Variants in ALS2 observed in about 807,000 individuals in gnomAD.
The protein encoded by ALS2 is alsin Rho guanine nucleotide exchange factor ALS2.
ALS2 carries 117 observed loss-of-function variants against 203.4 expected under a neutral mutation model. The observed-to-expected ratio is 0.58, with a 90% CI of 0.50 to 0.67. The LOEUF (loss-of-function observed/expected upper bound fraction) is 0.67. Ranked by LOEUF, ALS2 falls within the 30% of genes least tolerant of loss-of-function variation. The pLI, the probability that ALS2 is intolerant of heterozygous loss-of-function variation, is 0.00. For missense variants in ALS2, 1,715 were observed against 1,989.4 expected, an observed-to-expected ratio of 0.86 and a Z score of 2.62; for synonymous variants, 718 against 725.9, an observed-to-expected ratio of 0.99 and a Z score of 0.17.
chr2:201,746,122 T>C (rs1692625253), intron 9 of ALS2, among the ~76,000 whole-genome samples: 1 of 152,176 alleles, frequency 6.6e-6, no homozygotes, highest in Non-Finnish European at 1.5e-5. Flanking sequence ...CTATTTCTAA[T>C]TCACCTCGAG....
intron 23 of ALS2, chr2:201,720,041 G>A: frequency 2.8e-6 from 1 of 363,216 alleles, no homozygotes; most frequent in Non-Finnish European, 5.2e-6. Flanking sequence ...AACATTCAAA[G>A]AAGAAATAAT....
At position 201,728,474 on chromosome 2, in the gene ALS2, C is replaced by G. The variant is rs751566265; in HGVS notation, c.2841+38G>C. 1.1e-5 allele frequency: 18 copies of G among 1,613,204 alleles called. No homozygotes were observed. The Admixed American group carries it at 3.0e-4, about 27-fold the overall frequency. On this transcript the variant is annotated intron_variant, in intron 15 of 33. Coordinates refer to ENST00000264276, the MANE Select transcript of ALS2 (RefSeq NM_020919.4). Reference sequence around the variant, plus strand: ...ACAGTTAATAAGGATAGGGGTCCACCTTTCAGGAATTCTTTTAAGGTTAGG... The same window carrying G: ...ACAGTTAATAAGGATAGGGGTCCACGTTTCAGGAATTCTTTTAAGGTTAGG...
At chr2:201,729,903 A>C (rs1691446790) in intron 13 of ALS2, among the ~76,000 whole-genome samples, 1 of 129,090 alleles carries the variant, frequency 7.7e-6, no homozygotes. Flanking sequence ...AAAAAAAAAA[A>C]CAACTTTTTT....
chr2:201,715,684 T>G lies in ALS2; in HGVS notation c.3992A>C (p.Gln1331Pro), dbSNP rs760241507. 4.3e-6 allele frequency: 7 copies of G among 1,614,232 alleles called. No individual in the cohort carries two copies. The highest frequency in any genetic ancestry group is 1.6e-4 in the Middle Eastern group (1 of 6,062). ...IAVALTTSRR[Q>P]HRDSPEILSR... is the part of the protein sequence containing the mutation. Reference sequence around the variant, plus strand: ...GGTGTTCACTCACCTGTCTCTGTGCTGGCGCCGACTGGTGGTCAAGGCCAC... The same window carrying G: ...GGTGTTCACTCACCTGTCTCTGTGCGGGCGCCGACTGGTGGTCAAGGCCAC... Residue 1331 changes from glutamine (Q) to proline (P), a missense_variant, in exon 25 of 34, where the codon CAG (glutamine) becomes CCG (proline). By Grantham distance (76) the Gln-to-Pro change is moderately conservative (BLOSUM62 -1). This residue lies in a region of ALS2 where 1,227 missense variants were observed against 1,413.5 expected (regional missense o/e 0.87). Coordinates refer to ENST00000264276, the MANE Select transcript of ALS2 (RefSeq NM_020919.4).
Position 201,715,759 on chromosome 2 carries a change from C to G in ALS2, c.3917G>C (p.Cys1306Ser). The part of the protein sequence containing the change: ...VFDECWRQLG[C>S]EGPGQGEVWK... ...AACTTCCCCTTGGCCTGGGCCCTCA[C>G]AGCCCAGTTGGCGCCAACATTCGTC... Residue 1306 changes from cysteine to serine, a missense_variant, in exon 25 of 34, where the codon TGT (cysteine) becomes TCT (serine). Physicochemically the swap from Cys to Ser is moderately radical, Grantham distance 112. Transcript: ENST00000264276. 6.2e-7 allele frequency: 1 copy of G among 1,614,228 alleles called. No homozygotes were observed. Among genetic ancestry groups the G allele is most frequent in the Non-Finnish European group, 8.5e-7 (1 of 1,180,032 alleles).
chr2:201,772,894 C>T (rs1694473721), intron 1 of ALS2, among the ~76,000 whole-genome samples: 1 of 127,886 alleles, frequency 7.8e-6, no homozygotes, highest in Non-Finnish European at 1.6e-5. Context: ...TGGAGTCTTG[C>T]ACTGTCGCCT....
At chr2:201,719,338 A>G (rs1341299277) in intron 23 of ALS2, among the ~76,000 whole-genome samples, 1 of 152,116 alleles carries the variant, frequency 6.6e-6, no homozygotes, top group Admixed American at 6.5e-5. Context: ...CGCCTGTAGT[A>G]CCAGCCCTTT....
Position 201,761,628 on chromosome 2 carries a change from C to G in ALS2, c.366G>C (p.Gln122His). Residue 122 changes from glutamine (Q) to histidine (H), a missense_variant, in exon 4 of 34, where the codon CAG becomes CAC. By Grantham distance (24) the Gln-to-His change is conservative. Around this residue, in one of 3 missense-constraint regions of ALS2, gnomAD observed 476 missense variants for 539.3 expected, o/e 0.88. Coordinates refer to ENST00000264276, the MANE Select transcript of ALS2 (RefSeq NM_020919.4). Reference sequence around the variant, plus strand: ...CATACTGCTGGTTGGCTACTGCACACTGGCCAGCAGAATTCTCTCCCCACA... The same window carrying G: ...CATACTGCTGGTTGGCTACTGCACAGTGGCCAGCAGAATTCTCTCCCCACA... Reference protein sequence around the residue: ...AYMWGENSAGQCAVANQQYVP... With the variant: ...AYMWGENSAGHCAVANQQYVP... 6.2e-7 allele frequency: 1 copy of G among 1,614,222 alleles called. No homozygotes were observed. The highest frequency in any genetic ancestry group is 8.5e-7 in the Non-Finnish European group (1 of 1,180,042).
chr2:201,727,407 G>T, intron 16 of ALS2, 129 bp from the exon 17 acceptor site: 2 of 868,970 alleles, frequency 2.3e-6, no homozygotes, highest in Non-Finnish European at 1.9e-6. Flanking sequence ...ATGCTTGCTT[G>T]GTTTTGGGCG....
chr2:201,740,066 T>C (rs1465332505), intron 11 of ALS2, among the ~76,000 whole-genome samples: 1 of 152,168 alleles, frequency 6.6e-6, no homozygotes, highest in East Asian at 1.9e-4. Flanking sequence ...GGCTCACACT[T>C]GCAATCCTAG....
chr2:201,731,506 GA>G (rs1208512441), intron 13 of ALS2, among the ~76,000 whole-genome samples: 1 of 151,998 alleles, frequency 6.6e-6, no homozygotes, highest in Non-Finnish European at 1.5e-5. Context: ...TTGATGTGGG[GA>G]TTAAAGTTAT....
intron 12 of ALS2, among the ~76,000 whole-genome samples, chr2:201,734,609 C>T (rs1691769206): frequency 6.6e-6 from 1 of 152,206 alleles, no homozygotes. Context: ...TCTGCTTTGA[C>T]CTGCTCCTGA....
At chr2:201,772,325 T>C (rs998709365) in intron 1 of ALS2, among the ~76,000 whole-genome samples, 22 of 152,164 alleles carry the variant, frequency 1.4e-4, no homozygotes, top group African/African-American at 5.3e-4. Flanking sequence ...TCCCAACTGT[T>C]AGAAAGATGA....
At chr2:201,740,295 C>A (rs1692189393) in intron 11 of ALS2, among the ~76,000 whole-genome samples, 1 of 152,128 alleles carries the variant, frequency 6.6e-6, no homozygotes, top group Non-Finnish European at 1.5e-5. Flanking sequence ...CCACTGCACT[C>A]CAGGCTTTAA....
chr2:201,713,920 T>TTTA (rs1171277355), intron 25 of ALS2, among the ~76,000 whole-genome samples: 1 of 152,206 alleles, frequency 6.6e-6, no homozygotes, highest in Non-Finnish European at 1.5e-5. Flanking sequence ...CTGGGTCTTG[T>TTTA]TTATATCCTA....
intron 27 of ALS2, among the ~76,000 whole-genome samples, chr2:201,709,013 G>A (rs923223004): frequency 6.6e-6 from 1 of 152,132 alleles, no homozygotes; most frequent in African/African-American, 2.4e-5. Context: ...CAATGTTGAG[G>A]CAAACAATAT....
At chr2:201,715,620 A>T in intron 25 of ALS2, 52 bp downstream of exon 25, 1 of 1,604,044 alleles carries the variant, frequency 6.2e-7, no homozygotes. Flanking sequence ...ACTGGTCTTA[A>T]GTTTCATCTT....
At chr2:201,726,108 TA>T (rs1337042072) in intron 19 of ALS2, among the ~76,000 whole-genome samples, 2 of 152,128 alleles carry the variant, frequency 1.3e-5, no homozygotes, top group East Asian at 3.9e-4. Context: ...AAAGATGACT[TA>T]AAACGACTGA....
intron 25 of ALS2, among the ~76,000 whole-genome samples, chr2:201,713,282 C>T (rs1216929766): frequency 6.6e-5 from 10 of 151,502 alleles, no homozygotes; most frequent in African/African-American, 2.4e-4. Flanking sequence ...GATTCAGGCC[C>T]GGGCTAATTT....
Sources: gnomAD v4.1 joint callset for allele counts (sites outside exome capture counted in the v4.1 genomes callset) on GRCh38, gnomAD v4.1.1 for gene constraint, gnomAD v4.1.1 regional missense constraint, MANE v1.5 for transcripts, NCBI Gene and HGNC (gene_info 2026-07-23, HGNC 2026-07-21) for gene names.